The following PDZD2 variants were observed in gnomAD, a reference collection of about 807,000 sequenced individuals.
The protein encoded by PDZD2 is PDZ domain-containing protein 2.
In PDZD2, 90 loss-of-function variants were observed where a neutral mutation model predicts 220.7. The observed-to-expected ratio is 0.41, with a 90% CI of 0.34 to 0.49. PDZD2 has a LOEUF of 0.49. Among genes scored for constraint, PDZD2 ranks in the 20% least tolerant of loss-of-function variants. PDZD2 has a pLI of 0.28. For missense variants in PDZD2, 3,174 were observed against 3,608.5 expected, an observed-to-expected ratio of 0.88 and a Z score of 3.08; for synonymous variants, 1,375 against 1,450.5, an observed-to-expected ratio of 0.95 and a Z score of 1.18.
intron 2 of PDZD2, among the ~76,000 whole-genome samples, chr5:31,912,831 G>A (rs1425784441): frequency 6.6e-6 from 1 of 152,196 alleles, no homozygotes; most frequent in Non-Finnish European, 1.5e-5. Context: ...CATAGGGTGA[G>A]GAACATAACC....
At chr5:31,692,304 C>G (rs1225003177) in intron 1 of PDZD2, among the ~76,000 whole-genome samples, 8 of 152,214 alleles carry the variant, frequency 5.3e-5, no homozygotes, top group Non-Finnish European at 1.2e-4. Context: ...TGCGCTGGCC[C>G]GCAAGCACCG....
intron 2 of PDZD2, among the ~76,000 whole-genome samples, chr5:31,874,752 C>T (rs1739154897): frequency 1.5e-5 from 2 of 131,604 alleles, no homozygotes; most frequent in African/African-American, 6.2e-5. Context: ...CAGAACACGA[C>T]TCTATCTTAA....
At chr5:32,070,495 G>A (rs1740636497) in intron 15 of PDZD2, among the ~76,000 whole-genome samples, 1 of 152,192 alleles carries the variant, frequency 6.6e-6, no homozygotes, top group African/African-American at 2.4e-5. Context: ...TTATTAAGCT[G>A]TAATCCTCAT....
chr5:31,897,059 A>G (rs1741633506), intron 2 of PDZD2, among the ~76,000 whole-genome samples: 1 of 151,706 alleles, frequency 6.6e-6, no homozygotes, highest in Non-Finnish European at 1.5e-5. Flanking sequence ...CTCTGGATGT[A>G]GGGTGGGGAT....
At chr5:31,686,401 G>A (rs1678912) in intron 1 of PDZD2, among the ~76,000 whole-genome samples, 66,682 of 151,200 alleles carry the variant, frequency 0.44, 15,125 homozygotes, top group East Asian at 0.69. Context: ...GTCTCACTCT[G>A]TTGCCCAGGC....
intron 5 of PDZD2, among the ~76,000 whole-genome samples, chr5:32,009,656 C>T (rs1400964121): frequency 1.3e-5 from 2 of 151,846 alleles, no homozygotes; most frequent in Non-Finnish European, 2.9e-5. Flanking sequence ...CACTTGAGCC[C>T]AGAGGTTTGA....
chr5:32,005,836 A>C (rs1348789179), intron 5 of PDZD2, among the ~76,000 whole-genome samples: 1 of 152,078 alleles, frequency 6.6e-6, no homozygotes, highest in Non-Finnish European at 1.5e-5. Context: ...TATGAGGATG[A>C]TGTTAGGAGA....
At chr5:31,721,971 G>A (rs572862188) in intron 1 of PDZD2, among the ~76,000 whole-genome samples, 15 of 151,946 alleles carry the variant, frequency 9.9e-5, no homozygotes, top group African/African-American at 3.4e-4. Flanking sequence ...CCCAGCCTTC[G>A]TTCCTCCCTC....
intron 2 of PDZD2, among the ~76,000 whole-genome samples, chr5:31,806,217 T>C (rs1754705440): frequency 6.6e-6 from 1 of 152,212 alleles, no homozygotes; most frequent in African/African-American, 2.4e-5. Context: ...CATGTGTGTG[T>C]TAACTGTGAA....
chr5:31,898,897 G>A (rs536741928), intron 2 of PDZD2, among the ~76,000 whole-genome samples: 8 of 145,342 alleles, frequency 5.5e-5, no homozygotes, highest in South Asian at 4.4e-4. Flanking sequence ...TGGCGATCTC[G>A]GCTCACTGCA....
chr5:31,954,619 T>A (rs1457096846), intron 2 of PDZD2, among the ~76,000 whole-genome samples: 1 of 152,110 alleles, frequency 6.6e-6, no homozygotes, highest in African/African-American at 2.4e-5. Context: ...TTGTTTGACA[T>A]TATGTTCCCA....
Position 31,826,499 on chromosome 5 carries a change from C to T in PDZD2, c.476+26775C>T, listed in dbSNP as rs546667139. On this transcript the variant is annotated intron_variant, in intron 2 of 24. Coordinates refer to ENST00000438447, the MANE Select transcript of PDZD2 (RefSeq NM_178140.4). Reference sequence around the variant, plus strand: ...ACCAGCCTGACCAACATGGTGAAACCCTGTCTCTACTAAAAATACAAAAAA... The same window carrying T: ...ACCAGCCTGACCAACATGGTGAAACTCTGTCTCTACTAAAAATACAAAAAA... Among the ~76,000 whole-genome samples, 9 of 151,946 alleles carry T rather than the reference C, an allele frequency of 5.9e-5. No homozygotes were observed. In the South Asian group the frequency reaches 1.7e-3, roughly 28 times the overall value.
intron 2 of PDZD2, among the ~76,000 whole-genome samples, chr5:31,804,557 T>G (rs1484079587): frequency 6.6e-6 from 1 of 152,148 alleles, no homozygotes; most frequent in Non-Finnish European, 1.5e-5. Flanking sequence ...GAATATCACT[T>G]CCCCACGGTC....
Position 31,973,228 on chromosome 5 carries a change from A to G in PDZD2, c.477-9927A>G, listed in dbSNP as rs538929619. On this transcript the variant is annotated intron_variant, in intron 2 of 24. Transcript: ENST00000438447. ...GCCATACTGTTATTCCCTTCCTGTG[A>G]TGCTTTATGGGAGTTGAAATGTGCA... Among the ~76,000 whole-genome samples, 4 of 152,296 alleles carry G rather than the reference A, an allele frequency of 2.6e-5. No homozygotes were observed. In the East Asian group the frequency reaches 7.7e-4, roughly 29 times the overall value.
chr5:32,107,637 T>TTTA (rs1744910022), intron 24 of PDZD2, among the ~76,000 whole-genome samples: 3 of 152,204 alleles, frequency 2.0e-5, no homozygotes, highest in Admixed American at 2.0e-4. Flanking sequence ...TTACCCCAAC[T>TTTA]TTATTTTGTG....
At chr5:31,853,240 C>A (rs764336) in intron 2 of PDZD2, among the ~76,000 whole-genome samples, 14,340 of 152,120 alleles carry the variant, frequency 0.094, 1,006 homozygotes, top group East Asian at 0.36. Flanking sequence ...AATCATCAGC[C>A]TAATTTGCTT....
intron 2 of PDZD2, among the ~76,000 whole-genome samples, chr5:31,855,894 T>A (rs1758403261): frequency 6.6e-6 from 1 of 152,142 alleles, no homozygotes; most frequent in Non-Finnish European, 1.5e-5. Context: ...AGAAGTGAAA[T>A]GAAGTCAGTC....
At chr5:31,862,557 T>C (rs1737816611) in intron 2 of PDZD2, among the ~76,000 whole-genome samples, 1 of 134,718 alleles carries the variant, frequency 7.4e-6, no homozygotes, top group African/African-American at 2.5e-5. Context: ...TGGCACCTTT[T>C]CTTTTCTTTT....
At chr5:32,076,024 G>T (rs111754620) in intron 18 of PDZD2, among the ~76,000 whole-genome samples, 6 of 152,134 alleles carry the variant, frequency 3.9e-5, no homozygotes, top group African/African-American at 1.4e-4. Context: ...AGTGGCTCAC[G>T]CCTGTAATCC....
Sources: allele counts gnomAD v4.1 joint callset (sites outside exome capture counted in the v4.1 genomes callset), GRCh38; gene constraint gnomAD v4.1.1; transcripts MANE v1.5; gene names NCBI Gene and HGNC (gene_info 2026-07-23, HGNC 2026-07-21).